The following LDB2 variants were observed in gnomAD, a reference collection of about 807,000 sequenced individuals.
LDB2 encodes the protein LIM domain binding 2.
A neutral mutation model predicts 44.3 loss-of-function variants in LDB2; 12 were observed. That is an observed-to-expected ratio of 0.27 (90% CI 0.17 to 0.44). The LOEUF is 0.44. LDB2 is among the 20% of genes least tolerant of loss of function. The pLI, the probability that LDB2 is intolerant of heterozygous loss-of-function variation, is 1.00. For synonymous variants in LDB2, 164 were observed against 174.8 expected (o/e 0.94, Z 0.49); for missense variants, 344 against 473.5 (o/e 0.73, Z 2.54).
At chr4:16,873,318 TC>T (rs1201866327) in intron 1 of LDB2, among the ~76,000 whole-genome samples, 1 of 152,172 alleles carries the variant, frequency 6.6e-6, no homozygotes, top group Non-Finnish European at 1.5e-5. Context: ...TTTTTACATT[TC>T]TTTTAACTAG....
chr4:16,767,578 G>A (rs1038479104), intron 1 of LDB2, among the ~76,000 whole-genome samples: 10 of 152,120 alleles, frequency 6.6e-5, no homozygotes, highest in South Asian at 4.1e-4. Flanking sequence ...TGTGTGTGGC[G>A]AGTGTTTAGT....
chr4:16,605,318 G>A (rs965083921), intron 2 of LDB2, among the ~76,000 whole-genome samples: 9 of 152,120 alleles, frequency 5.9e-5, no homozygotes, highest in African/African-American at 1.4e-4. Flanking sequence ...GAAATTCCAC[G>A]ATCAGAGAAG....
At chr4:16,618,991 G>T (rs1218534684) in intron 2 of LDB2, among the ~76,000 whole-genome samples, 1 of 152,116 alleles carries the variant, frequency 6.6e-6, no homozygotes, top group Non-Finnish European at 1.5e-5. Context: ...GGACATGCTG[G>T]CTTCCCCTTC....
At chr4:16,723,398 C>T (rs1174194700) in intron 2 of LDB2, among the ~76,000 whole-genome samples, 1 of 152,112 alleles carries the variant, frequency 6.6e-6, no homozygotes, top group Non-Finnish European at 1.5e-5. Flanking sequence ...AACAAAGCCA[C>T]TCCCAGGATA....
chr4:16,581,053 C>T (rs938027616), intron 5 of LDB2, among the ~76,000 whole-genome samples: 8 of 152,036 alleles, frequency 5.3e-5, no homozygotes, highest in South Asian at 2.1e-4. Context: ...GAAATGAAAG[C>T]GAAGAATTAA....
chr4:16,729,822 C>G (rs1009462599), intron 2 of LDB2, among the ~76,000 whole-genome samples: 1 of 152,188 alleles, frequency 6.6e-6, no homozygotes, highest in Non-Finnish European at 1.5e-5. Context: ...ACTGAGCACA[C>G]TTCACCCCTT....
chr4:16,515,850 T>G (rs879729778), intron 5 of LDB2, among the ~76,000 whole-genome samples: 1 of 149,876 alleles, frequency 6.7e-6, no homozygotes, highest in African/African-American at 2.4e-5. Flanking sequence ...ATTTATTTAT[T>G]TTATTATTTA....
At chr4:16,674,611 A>C (rs1203846257) in intron 2 of LDB2, among the ~76,000 whole-genome samples, 1 of 152,226 alleles carries the variant, frequency 6.6e-6, no homozygotes, top group Admixed American at 6.5e-5. Context: ...AAGACAGCTA[A>C]GGACAACTGG....
At chr4:16,850,276 T>A (rs1372327280) in intron 1 of LDB2, among the ~76,000 whole-genome samples, 1 of 152,098 alleles carries the variant, frequency 6.6e-6, no homozygotes, top group Non-Finnish European at 1.5e-5. Context: ...AGGCTTTGGA[T>A]AGGGCCTGGA....
At chr4:16,868,064 C>A (rs1715284871) in intron 1 of LDB2, among the ~76,000 whole-genome samples, 1 of 152,158 alleles carries the variant, frequency 6.6e-6, no homozygotes, top group African/African-American at 2.4e-5. Flanking sequence ...ATTTTCCACA[C>A]CTTTCTTTTA....
chr4:16,542,496 T>A (rs1168209989), intron 5 of LDB2, among the ~76,000 whole-genome samples: 1 of 152,042 alleles, frequency 6.6e-6, no homozygotes, highest in Non-Finnish European at 1.5e-5. Context: ...GGGATGGGCT[T>A]GGTTTATGTG....
chr4:16,714,604 C>T (rs193084939), intron 2 of LDB2, among the ~76,000 whole-genome samples: 12 of 152,226 alleles, frequency 7.9e-5, no homozygotes, highest in African/African-American at 2.9e-4. Flanking sequence ...TGGTAGTTTC[C>T]TGTCTGCTAT....
At chr4:16,874,322 C>T (rs1717700883) in intron 1 of LDB2, among the ~76,000 whole-genome samples, 2 of 152,054 alleles carry the variant, frequency 1.3e-5, no homozygotes, top group East Asian at 1.9e-4. Context: ...AGAAAAATCC[C>T]GTGTCTATAT....
At chr4:16,781,654 CAGAATA>C (rs1265787097) in intron 1 of LDB2, among the ~76,000 whole-genome samples, 1 of 152,128 alleles carries the variant, frequency 6.6e-6, no homozygotes, top group East Asian at 1.9e-4. Flanking sequence ...GTATCTTTTT[CAGAATA>C]AGAGTAAGGT....
chr4:16,539,883 A>G (rs1280390097), intron 5 of LDB2, among the ~76,000 whole-genome samples: 1 of 152,196 alleles, frequency 6.6e-6, no homozygotes, highest in Non-Finnish European at 1.5e-5. Context: ...CAAGGGGTGT[A>G]TTAGTCCATT....
At chr4:16,657,753 G>A (rs1322854023) in intron 2 of LDB2, among the ~76,000 whole-genome samples, 4 of 152,100 alleles carry the variant, frequency 2.6e-5, no homozygotes, top group African/African-American at 2.4e-5. Flanking sequence ...TTATATATTT[G>A]TTGATTAAAC....
chr4:16,506,835 T>C (rs1253440043), intron 7 of LDB2: 2 of 152,204 alleles, frequency 1.3e-5, no homozygotes, highest in Non-Finnish European at 2.9e-5. Flanking sequence ...GTTGAACTGA[T>C]TGGGATTCTT....
intron 1 of LDB2, among the ~76,000 whole-genome samples, chr4:16,829,871 C>G (rs985399000): frequency 6.6e-6 from 1 of 152,106 alleles, no homozygotes; most frequent in African/African-American, 2.4e-5. Context: ...CTTTGGGAGG[C>G]CAAGGCAAGC....
At chr4:16,592,474 ATATATATAT>A (rs1332666255) in intron 3 of LDB2, among the ~76,000 whole-genome samples, 3 of 106,546 alleles carry the variant, frequency 2.8e-5, no homozygotes, top group Admixed American at 9.8e-5. Context: ...ACATATATAT[ATATATATAT>A]ATATATATAT....
Sources: gnomAD v4.1 joint callset for allele counts (sites outside exome capture counted in the v4.1 genomes callset) on GRCh38, gnomAD v4.1.1 for gene constraint, MANE v1.5 for transcripts, NCBI Gene and HGNC (gene_info 2026-07-23, HGNC 2026-07-21) for gene names.